STXBP4: variants seen among roughly 807,000 people sequenced by gnomAD.
The protein encoded by STXBP4 is syntaxin-binding protein 4.
In STXBP4, 55 loss-of-function variants were observed where a neutral mutation model predicts 76.1. The ratio of observed to expected loss-of-function variants is 0.72; its 90% CI spans 0.58 to 0.91. STXBP4 has a LOEUF of 0.91. Ranked by LOEUF, STXBP4 falls within the 40% of genes least tolerant of loss-of-function variation. The pLI, the probability that STXBP4 is intolerant of heterozygous loss-of-function variation, is 0.00. For missense variants in STXBP4, 618 were observed against 636.9 expected (o/e 0.97, Z 0.32); for synonymous variants, 201 against 220.2 (o/e 0.91, Z 0.77).
chr17:55,026,546 T>C (rs182180748), intron 8 of STXBP4, among the ~76,000 whole-genome samples: 57 of 151,950 alleles, frequency 3.8e-4, no homozygotes, highest in Admixed American at 2.4e-3. Flanking sequence ...AAAAACTAAG[T>C]CCCAAGAGTG....
intron 16 of STXBP4, among the ~76,000 whole-genome samples, chr17:55,103,489 A>AT (rs1200159413): frequency 1.3e-5 from 2 of 151,458 alleles, no homozygotes; most frequent in Non-Finnish European, 2.9e-5. Flanking sequence ...ATTGGTCTAT[A>AT]TATCTCTTTT....
the STXBP4 span, among the ~76,000 whole-genome samples, chr17:55,192,708 G>A: frequency 6.6e-5 from 10 of 152,182 alleles, no homozygotes; most frequent in African/African-American, 2.4e-4. Flanking sequence ...CTCACAGTCA[G>A]CCTCTGAAGT....
chr17:55,091,029 G>T (rs896412025), intron 16 of STXBP4, among the ~76,000 whole-genome samples: 1 of 152,138 alleles, frequency 6.6e-6, no homozygotes, highest in Admixed American at 6.6e-5. Context: ...CTACACCCAA[G>T]AGGCCCTAAA....
At chr17:55,173,869 G>A (rs571815596), downstream of STXBP4, among the ~76,000 whole-genome samples, 1 of 152,294 alleles carries the variant, frequency 6.6e-6, no homozygotes, top group Non-Finnish European at 1.5e-5. Flanking sequence ...CCGTCAGAGA[G>A]AATCCATTTA....
At chr17:55,091,230 A>G (rs567833245) in intron 16 of STXBP4, among the ~76,000 whole-genome samples, 2 of 152,316 alleles carry the variant, frequency 1.3e-5, no homozygotes, top group Admixed American at 6.5e-5. Flanking sequence ...TTGGCATGAC[A>G]TCCTTGGGAA....
intron 17 of STXBP4, among the ~76,000 whole-genome samples, chr17:55,153,927 T>G (rs556896097): frequency 5.9e-5 from 9 of 152,340 alleles, no homozygotes; most frequent in Non-Finnish European, 1.2e-4. Flanking sequence ...TTTTAGTTTA[T>G]AGAAGTTGTT....
rs1032464944 is a variant in STXBP4, at chr17:55,109,566, A to G, written c.1489+28383A>G. ...AGAGTTCAAAGTGGTTATGGAACCTAAAGGATAGTCCATTAGTTTCCTATT... is the reference window on the plus strand; with the variant it reads ...AGAGTTCAAAGTGGTTATGGAACCTGAAGGATAGTCCATTAGTTTCCTATT... On this transcript the variant is annotated intron_variant, in intron 16 of 17. Transcript: ENST00000376352. Among the ~76,000 whole-genome samples the G allele has an allele frequency of 4.6e-5, 7 of 151,584 alleles. No homozygotes were observed. In the East Asian group the frequency reaches 1.2e-3, roughly 25 times the overall value.
intron 12 of STXBP4, among the ~76,000 whole-genome samples, chr17:55,068,701 A>G (rs561914181): frequency 6.6e-6 from 1 of 152,240 alleles, no homozygotes; most frequent in African/African-American, 2.4e-5. Context: ...GCCAAGAACT[A>G]TTATAGTTTC....
the STXBP4 span, among the ~76,000 whole-genome samples, chr17:55,211,685 T>C: frequency 1.6e-4 from 24 of 152,110 alleles, no homozygotes; most frequent in African/African-American, 5.3e-4. Flanking sequence ...ATGTTTGTCC[T>C]TTCAGATGAA....
downstream of STXBP4, among the ~76,000 whole-genome samples, chr17:55,178,006 G>A (rs1361887489): frequency 6.6e-6 from 1 of 152,152 alleles, no homozygotes; most frequent in Non-Finnish European, 1.5e-5. Flanking sequence ...CTCTCCCTGG[G>A]TTGTGCAGAA....
rs201389896 is a variant in STXBP4 at position 54,990,806 on chromosome 17, C to T, written c.48-19C>T. On this transcript the variant is annotated intron_variant, in intron 3 of 17. Coordinates refer to ENST00000376352, the MANE Select transcript of STXBP4 (RefSeq NM_178509.6). ...AGATCTCTAGACTAACCTGTGTGTGCTAATTTACTTTATCTTAGGGATCCT... is the reference window on the plus strand; with the variant it reads ...AGATCTCTAGACTAACCTGTGTGTGTTAATTTACTTTATCTTAGGGATCCT... The T allele has an allele frequency of 1.4e-4, 228 of 1,583,640 alleles. No homozygotes were observed. The highest frequency in any genetic ancestry group is 1.9e-4 in the Non-Finnish European group (218 of 1,169,928).
intron 8 of STXBP4, among the ~76,000 whole-genome samples, chr17:55,016,127 A>G (rs1241534220): frequency 6.6e-6 from 1 of 152,006 alleles, no homozygotes; most frequent in Non-Finnish European, 1.5e-5. Context: ...ACCCCTACTC[A>G]TTTTCCAATG....
rs1240500867 is a variant in STXBP4, at chr17:55,019,028, T to C, written c.666+11431T>C. Among the ~76,000 whole-genome samples, 6 of 152,214 alleles carry C rather than the reference T, an allele frequency of 3.9e-5. No homozygotes were observed. In the East Asian group the frequency reaches 7.7e-4, roughly 20 times the overall value. On this transcript the variant is annotated intron_variant, in intron 8 of 17. Coordinates refer to ENST00000376352, the MANE Select transcript of STXBP4 (RefSeq NM_178509.6). ...AAAATACTTGGCTCATAGTATATGC[T>C]GAAAAAAATAATTGTTGGATTAGTT...
rs113210044 is a variant in STXBP4 at position 55,121,902 on chromosome 17, A to G, written c.1490-19408A>G. Among the ~76,000 whole-genome samples, 42 of 152,222 alleles carry G rather than the reference A, an allele frequency of 2.8e-4. No individual in the cohort carries two copies. In the East Asian group the frequency reaches 7.0e-3, roughly 25 times the overall value. ...GCACTGGGGGCTTTTTACGCCCCCAAGACGAAATGTGTAGGGATCAGCCAC... is the reference window on the plus strand; with the variant it reads ...GCACTGGGGGCTTTTTACGCCCCCAGGACGAAATGTGTAGGGATCAGCCAC... On this transcript the variant is annotated intron_variant, in intron 16 of 17. Transcript: ENST00000376352.
rs559263080 is a variant in STXBP4 at position 55,172,731 on chromosome 17, G to A, written c.*12820G>A. ...TGCATATGAGAAAAAACTAAGGCTC[G>A]GATGAGTTATGTGACTTCCCTGAGT... On this transcript the variant is annotated 3_prime_UTR_variant, in exon 18 of 18. Coordinates refer to ENST00000376352, the MANE Select transcript of STXBP4 (RefSeq NM_178509.6). 4 of 152,216 alleles carry A rather than the reference G, an allele frequency of 2.6e-5. No individual in the cohort carries two copies. In the East Asian group the frequency reaches 5.8e-4, roughly 22 times the overall value. 9.4% of individuals were successfully genotyped at this position (152,216 alleles called of 1,614,324 possible). A position where few individuals can be genotyped will look rare whatever the true frequency, so the allele number is the denominator to read the frequency against.
intron 16 of STXBP4, among the ~76,000 whole-genome samples, chr17:55,109,717 C>T (rs1206955956): frequency 6.6e-6 from 1 of 151,298 alleles, no homozygotes; most frequent in African/African-American, 2.4e-5. Flanking sequence ...GCAACCTCCA[C>T]CTCCTGGGTT....
intron 16 of STXBP4, among the ~76,000 whole-genome samples, chr17:55,102,617 T>C (rs757346239): frequency 2.0e-5 from 3 of 152,236 alleles, no homozygotes; most frequent in Non-Finnish European, 2.9e-5. Flanking sequence ...AGTAGAATGA[T>C]TTATAATCCT....
Position 55,114,939 on chromosome 17 carries a change from T to G in STXBP4, c.1490-26371T>G, listed in dbSNP as rs534123443. The stretch of plus-strand genomic sequence containing the variant: ...TGAATTGGAGCTCAGAAAAAAATAA[T>G]TGAAGTACATATAGTATCCTTTCTT... On this transcript the variant is annotated intron_variant, in intron 16 of 17. Coordinates refer to ENST00000376352, the MANE Select transcript of STXBP4 (RefSeq NM_178509.6). Among the ~76,000 whole-genome samples the G allele has an allele frequency of 2.6e-5, 4 of 152,114 alleles. No homozygotes were observed. The East Asian group carries it at 5.8e-4, about 22-fold the overall frequency.
intron 12 of STXBP4, among the ~76,000 whole-genome samples, chr17:55,060,558 C>A (rs1446082148): frequency 6.6e-6 from 1 of 152,060 alleles, no homozygotes; most frequent in African/African-American, 2.4e-5. Context: ...TTAAAACAAG[C>A]TGTGAAGGGC....
Sources: allele counts gnomAD v4.1 joint callset (sites outside exome capture counted in the v4.1 genomes callset), GRCh38; gene constraint gnomAD v4.1.1; transcripts MANE v1.5; gene names NCBI Gene and HGNC (gene_info 2026-07-23, HGNC 2026-07-21).